AGO2: variants seen among roughly 807,000 people sequenced by gnomAD.
The protein encoded by AGO2 is argonaute RISC catalytic component 2, also known as protein argonaute-2.
Under a neutral mutation model 102.3 loss-of-function variants are expected in AGO2, and 5 were observed. The ratio of observed to expected loss-of-function variants is 0.05; its 90% CI spans 0.03 to 0.10. The LOEUF is 0.10. Ranked by LOEUF, AGO2 falls within the 10% of genes least tolerant of loss-of-function variation. The probability of loss-of-function intolerance (pLI) is 1.00; values close to 1 mark genes in which losing one functional copy is unlikely to be tolerated. For missense variants in AGO2, 541 were observed against 1,183.7 expected (o/e 0.46, Z 7.97); for synonymous variants, 449 against 473.1 (o/e 0.95, Z 0.66).
chr8:140,583,985 G>C (rs1257440201), intron 2 of AGO2, among the ~76,000 whole-genome samples: 1 of 152,194 alleles, frequency 6.6e-6, no homozygotes. Flanking sequence ...TGGTATATGT[G>C]TCTGTCACTG....
chr8:140,632,442 A>C (rs1350568289), intron 1 of AGO2, among the ~76,000 whole-genome samples: 1 of 152,242 alleles, frequency 6.6e-6, no homozygotes, highest in Non-Finnish European at 1.5e-5. Flanking sequence ...ATGGCTCTAT[A>C]AACCACAGTG....
intron 11 of AGO2, 81 bp from the exon 12 acceptor site, chr8:140,549,379 C>G: frequency 7.1e-7 from 1 of 1,411,832 alleles, no homozygotes; most frequent in Non-Finnish European, 9.5e-7. Flanking sequence ...AACACAAGGG[C>G]GTCATTTTTA....
At chr8:140,548,786 C>T (rs1183892256) in intron 12 of AGO2, among the ~76,000 whole-genome samples, 6 of 152,362 alleles carry the variant, frequency 3.9e-5, no homozygotes, top group East Asian at 1.9e-4. Context: ...CCTGGTGCAA[C>T]GCTCTGTGCG....
intron 13 of AGO2, among the ~76,000 whole-genome samples, chr8:140,544,597 T>A (rs928610488): frequency 7.9e-5 from 12 of 152,258 alleles, no homozygotes; most frequent in Middle Eastern, 3.4e-3. Flanking sequence ...CCAGGAGGGC[T>A]CACCCTTCTA....
At chr8:140,633,977 G>A (rs554268927) in intron 1 of AGO2, among the ~76,000 whole-genome samples, 1 of 152,238 alleles carries the variant, frequency 6.6e-6, no homozygotes, top group Non-Finnish European at 1.5e-5. Context: ...ATGTAGTGCT[G>A]TCAGTCCCAT....
rs769798881 is a variant in AGO2, at chr8:140,585,253, A to C, written c.81T>G (p.Pro27=). The change falls in exon 2 of 19, where the codon CCT becomes CCG. Residue 27 remains proline (P), a synonymous_variant. Transcript: ENST00000220592. ...PIQGYAFKPP[P]RPDFGTSGRT... is the part of the protein sequence containing the mutation. ...TCCCGGAGGTCCCAAAGTCGGGTCT[A>C]GGTGGAGGCTTGAAGGCATATCCTT... is the stretch of plus-strand genomic sequence containing the variant. 3.1e-5 allele frequency: 50 copies of C among 1,614,174 alleles called. No individual in the cohort carries two copies. The highest frequency in any genetic ancestry group is 4.0e-5 in the Non-Finnish European group (47 of 1,180,010).
chr8:140,615,424 C>T (rs568690488), intron 1 of AGO2, among the ~76,000 whole-genome samples: 1 of 152,246 alleles, frequency 6.6e-6, no homozygotes, highest in Non-Finnish European at 1.5e-5. Flanking sequence ...CCCAGGCGGC[C>T]CTTCTCATGC....
chr8:140,568,595 C>T (rs1289751202), intron 3 of AGO2, among the ~76,000 whole-genome samples: 7 of 152,206 alleles, frequency 4.6e-5, no homozygotes, highest in Admixed American at 3.9e-4. Flanking sequence ...GTGCCACATG[C>T]CCCTGCCAGG....
chr8:140,608,259 C>T (rs2074030579), intron 1 of AGO2, among the ~76,000 whole-genome samples: 1 of 152,186 alleles, frequency 6.6e-6, no homozygotes, highest in Admixed American at 6.5e-5. Flanking sequence ...GCCTTCTCTC[C>T]CCTCCAGCAC....
rs909694385 is a variant in AGO2 at position 140,577,964 on chromosome 8, G to A, written c.216-5032C>T. On this transcript the variant is annotated intron_variant, in intron 2 of 18. Coordinates refer to ENST00000220592, the MANE Select transcript of AGO2 (RefSeq NM_012154.5). Reference sequence around the variant, plus strand: ...GGCTGGGCGGATCTCTCAAGAGAAGGAGGCTGTTCGGTCATGCCAGTGAGG... The same window carrying A: ...GGCTGGGCGGATCTCTCAAGAGAAGAAGGCTGTTCGGTCATGCCAGTGAGG... Among the ~76,000 whole-genome samples the A allele has an allele frequency of 1.2e-4, 18 of 152,254 alleles. 1 individual carries two copies. Among genetic ancestry groups the A allele is most frequent in the Admixed American group, 1.0e-3 (16 of 15,290 alleles).
At chr8:140,586,971 C>T (rs2073669325) in intron 1 of AGO2, among the ~76,000 whole-genome samples, 1 of 152,194 alleles carries the variant, frequency 6.6e-6, no homozygotes. Context: ...AACCATACCA[C>T]AAAGGGGCAC....
At chr8:140,550,915 C>T (rs1181013464) in intron 11 of AGO2, among the ~76,000 whole-genome samples, 1 of 152,238 alleles carries the variant, frequency 6.6e-6, no homozygotes, top group African/African-American at 2.4e-5. Context: ...CTGATTCTGT[C>T]TTCATTTTCT....
intron 1 of AGO2, among the ~76,000 whole-genome samples, chr8:140,626,075 C>A (rs1234650485): frequency 1.3e-5 from 2 of 151,912 alleles, no homozygotes; most frequent in Admixed American, 1.3e-4. Flanking sequence ...ATGGGCAGCA[C>A]GTGGCCTTCT....
At position 140,525,396 on chromosome 8, in the gene AGO2, GCCTGTAC is replaced by G. The variant is rs1451703973; in HGVS notation, c.*6641_*6647del. The G allele has an allele frequency of 1.3e-5, 2 of 152,392 alleles. No homozygotes were observed. The highest frequency in any genetic ancestry group is 4.8e-5 in the African/African-American group (2 of 41,446). 9.4% of individuals were successfully genotyped at this position (152,392 alleles called of 1,614,324 possible). On this transcript the variant is annotated 3_prime_UTR_variant, in exon 19 of 19. Coordinates refer to ENST00000220592, the MANE Select transcript of AGO2 (RefSeq NM_012154.5). ...AAGGCCAGCCCAGCGGACCCAAGCA[GCCTGTAC>G]CCTGGGCCGGCAGGCAGTGGGACAC... is the stretch of plus-strand genomic sequence containing the variant.
chr8:140,585,397 G>GC (rs2073640233), intron 1 of AGO2, 86 bp from the exon 2 acceptor site: 8 of 1,447,836 alleles, frequency 5.5e-6, no homozygotes, highest in South Asian at 2.6e-5. Context: ...GCCACTATAT[G>GC]CCCCCCTCTG....
intron 1 of AGO2, among the ~76,000 whole-genome samples, chr8:140,600,819 C>T (rs1194103249): frequency 6.6e-6 from 1 of 152,066 alleles, no homozygotes; most frequent in African/African-American, 2.4e-5. Context: ...TCCTTCAAAC[C>T]CCAGTGAGTG....
At chr8:140,561,315 C>T (rs550077886) in intron 4 of AGO2, among the ~76,000 whole-genome samples, 34 of 152,388 alleles carry the variant, frequency 2.2e-4, no homozygotes, top group Non-Finnish European at 3.5e-4. Context: ...ATCACCTACA[C>T]GGCCCTTTCA....
intron 1 of AGO2, among the ~76,000 whole-genome samples, chr8:140,622,100 C>T (rs1206669221): frequency 2.6e-5 from 4 of 152,176 alleles, no homozygotes; most frequent in Non-Finnish European, 4.4e-5. Flanking sequence ...CCGTGTGAAC[C>T]GTGAAGACAT....
At position 140,570,071 on chromosome 8, in the gene AGO2, C is replaced by G. The variant is rs186854731; in HGVS notation, c.336+2741G>C. 1.4e-3 allele frequency among the ~76,000 whole-genome samples: 215 copies of G among 152,366 alleles called. 1 individual carries two copies. The highest frequency in any genetic ancestry group is 2.9e-3 in the Admixed American group (44 of 15,310). ...CATGGGACACCGCCTTACGCAGGCT[C>G]TCACACAGAAGGTTAATTTCTGCAC... On this transcript the variant is annotated intron_variant, in intron 3 of 18. Coordinates refer to ENST00000220592, the MANE Select transcript of AGO2 (RefSeq NM_012154.5).
Sources: allele counts gnomAD v4.1 joint callset (sites outside exome capture counted in the v4.1 genomes callset), GRCh38; gene constraint gnomAD v4.1.1; transcripts MANE v1.5; gene names NCBI Gene and HGNC (gene_info 2026-07-23, HGNC 2026-07-21).